The following NELL2 variants were observed in gnomAD, a reference collection of about 807,000 sequenced individuals.
The protein encoded by NELL2 is protein kinase C-binding protein NELL2.
In NELL2, 41 loss-of-function variants were observed where a neutral mutation model predicts 109.6. That is an observed-to-expected ratio of 0.37 (90% CI 0.29 to 0.49). The LOEUF is 0.49. Ranked by LOEUF, NELL2 falls within the 20% of genes least tolerant of loss-of-function variation. The pLI, the probability that NELL2 is intolerant of heterozygous loss-of-function variation, is 0.98. For missense variants in NELL2, 900 were observed against 1,008.3 expected (o/e 0.89, Z 1.45); for synonymous variants, 355 against 344.7 (o/e 1.03, Z -0.33).
intron 5 of NELL2, among the ~76,000 whole-genome samples, chr12:44,777,791 C>T (rs1941811031): frequency 6.6e-6 from 1 of 152,148 alleles, no homozygotes; most frequent in Admixed American, 6.5e-5. Flanking sequence ...TCTTTTAAAA[C>T]TAATTTCTCA....
intron 1 of NELL2, among the ~76,000 whole-genome samples, chr12:44,887,656 G>GTGTGT (rs1360697607): frequency 2.5e-4 from 37 of 150,638 alleles, no homozygotes; most frequent in African/African-American, 8.8e-4. Context: ...GTGTGTGTGT[G>GTGTGT]TGTTGTTGTT....
chr12:44,629,164 C>T (rs1946367056), intron 13 of NELL2, among the ~76,000 whole-genome samples: 1 of 152,118 alleles, frequency 6.6e-6, no homozygotes, highest in Non-Finnish European at 1.5e-5. Context: ...TAAATAGTCA[C>T]TTTCACACTG....
At chr12:44,691,632 C>A (rs1005945880) in intron 12 of NELL2, among the ~76,000 whole-genome samples, 1 of 152,116 alleles carries the variant, frequency 6.6e-6, no homozygotes, top group Non-Finnish European at 1.5e-5. Context: ...CCTCTGGAGC[C>A]AGTTAGCCAA....
intron 9 of NELL2, among the ~76,000 whole-genome samples, chr12:44,774,147 T>C (rs1336818544): frequency 6.6e-6 from 1 of 152,222 alleles, no homozygotes; most frequent in Non-Finnish European, 1.5e-5. Flanking sequence ...TATTGAACGA[T>C]CTAGAACCCA....
rs1259495370 is a variant in NELL2 at position 44,890,017 on chromosome 12, T to A, written c.39-14117A>T. 2.6e-5 allele frequency among the ~76,000 whole-genome samples: 4 copies of A among 152,180 alleles called. 1 individual carries two copies. Among genetic ancestry groups the A allele is most frequent in the Non-Finnish European group, 5.9e-5 (4 of 68,024 alleles). ...CTTGAGAACAGGGATAAGCTTATGT[T>A]AGTATCTAAAAAGGCTGGCAGGGAT... is the stretch of plus-strand genomic sequence containing the variant. On this transcript the variant is annotated intron_variant, in intron 1 of 20. Transcript: ENST00000333837.
chr12:44,647,987 C>T (rs1476714759), intron 13 of NELL2, among the ~76,000 whole-genome samples: 1 of 152,110 alleles, frequency 6.6e-6, no homozygotes, highest in East Asian at 1.9e-4. Flanking sequence ...CCTTGCCACT[C>T]TTGGTTTTAG....
intron 9 of NELL2, among the ~76,000 whole-genome samples, chr12:44,753,777 C>G (rs968308858): frequency 1.9e-4 from 29 of 152,164 alleles, no homozygotes; most frequent in Non-Finnish European, 8.8e-5. Context: ...CAATGGCTGG[C>G]TTGCAGCCAG....
chr12:44,660,985 T>C (rs778059106), intron 13 of NELL2, among the ~76,000 whole-genome samples: 3 of 152,142 alleles, frequency 2.0e-5, no homozygotes, highest in Non-Finnish European at 4.4e-5. Flanking sequence ...GGCCATTTCC[T>C]GAGGGTCCAC....
chr12:44,615,887 A>T (rs1283351344), intron 13 of NELL2, among the ~76,000 whole-genome samples: 1 of 152,196 alleles, frequency 6.6e-6, no homozygotes, highest in Non-Finnish European at 1.5e-5. Context: ...TTTTTAAAAG[A>T]AAAGGATGAT....
intron 10 of NELL2, among the ~76,000 whole-genome samples, chr12:44,712,692 T>C (rs995645801): frequency 6.6e-5 from 10 of 152,010 alleles, no homozygotes; most frequent in African/African-American, 2.2e-4. Flanking sequence ...GATGATCTGA[T>C]AGAGCTGTGC....
chr12:44,741,632 A>T (rs541407637), intron 9 of NELL2, among the ~76,000 whole-genome samples: 2 of 152,358 alleles, frequency 1.3e-5, no homozygotes, highest in East Asian at 3.9e-4. Context: ...AACAGGCTTA[A>T]AAAATGGCAC....
chr12:44,823,886 C>T (rs778376085), intron 2 of NELL2, among the ~76,000 whole-genome samples: 3 of 152,150 alleles, frequency 2.0e-5, no homozygotes, highest in Non-Finnish European at 4.4e-5. Flanking sequence ...TCTCCTCGTC[C>T]TTGCCAATAC....
At chr12:44,674,247 G>T (rs1009076248) in intron 12 of NELL2, among the ~76,000 whole-genome samples, 1 of 152,118 alleles carries the variant, frequency 6.6e-6, no homozygotes, top group Non-Finnish European at 1.5e-5. Context: ...TTGAGAAGCT[G>T]ATAGCGAAAT....
At chr12:44,682,635 A>G (rs144246215) in intron 12 of NELL2, among the ~76,000 whole-genome samples, 30 of 152,306 alleles carry the variant, frequency 2.0e-4, no homozygotes, top group African/African-American at 7.2e-4. Context: ...CTTTTTACAT[A>G]TGGCTACCCA....
At chr12:44,694,363 G>A (rs1308885434) in intron 12 of NELL2, among the ~76,000 whole-genome samples, 2 of 151,976 alleles carry the variant, frequency 1.3e-5, no homozygotes, top group African/African-American at 2.4e-5. Context: ...TCCAAATCTC[G>A]GGCCTTTGGA....
At chr12:44,680,113 GT>G (rs1948448006) in intron 12 of NELL2, among the ~76,000 whole-genome samples, 1 of 151,976 alleles carries the variant, frequency 6.6e-6, no homozygotes, top group African/African-American at 2.4e-5. Context: ...TATATATTTT[GT>G]CAGAAAGCAT....
chr12:44,749,804 T>A (rs1940563880), intron 9 of NELL2, among the ~76,000 whole-genome samples: 1 of 151,898 alleles, frequency 6.6e-6, no homozygotes. Flanking sequence ...GAAGGGCAAA[T>A]AACACCATAA....
intron 15 of NELL2, among the ~76,000 whole-genome samples, chr12:44,586,785 TTG>T (rs1944523051): frequency 6.6e-6 from 1 of 152,192 alleles, no homozygotes; most frequent in African/African-American, 2.4e-5. Flanking sequence ...GGGTTATTTT[TTG>T]AAGGAGATTG....
At chr12:44,806,714 T>C (rs1436524443) in intron 3 of NELL2, among the ~76,000 whole-genome samples, 1 of 151,874 alleles carries the variant, frequency 6.6e-6, no homozygotes, top group Non-Finnish European at 1.5e-5. Context: ...AATACAACAG[T>C]ATACTACATT....
Sources: allele counts gnomAD v4.1 joint callset (sites outside exome capture counted in the v4.1 genomes callset), GRCh38; gene constraint gnomAD v4.1.1; transcripts MANE v1.5; gene names NCBI Gene and HGNC (gene_info 2026-07-23, HGNC 2026-07-21).